The following CREB5 variants were observed in gnomAD, a reference collection of about 807,000 sequenced individuals.
The protein encoded by CREB5 is cAMP responsive element binding protein 5.
CREB5 carries 19 observed loss-of-function variants against 57.1 expected under a neutral mutation model. That is an observed-to-expected ratio of 0.33 (90% CI 0.23 to 0.49). The LOEUF is 0.49. Among genes scored for constraint, CREB5 ranks in the 20% least tolerant of loss-of-function variants. CREB5 has a pLI of 0.99. For missense variants in CREB5, 579 were observed against 671.6 expected (o/e 0.86, Z 1.52); for synonymous variants, 238 against 238.3 (o/e 1.00, Z 0.01).
intron 1 of CREB5, among the ~76,000 whole-genome samples, chr7:28,316,945 T>C (rs1445561928): frequency 6.6e-6 from 1 of 151,620 alleles, no homozygotes; most frequent in Non-Finnish European, 1.5e-5. Context: ...CACTGTTGGG[T>C]CAACAATAAA....
At chr7:28,810,632 G>T (rs1809059197) in intron 9 of CREB5, among the ~76,000 whole-genome samples, 1 of 152,118 alleles carries the variant, frequency 6.6e-6, no homozygotes, top group African/African-American at 2.4e-5. Context: ...GGAGGGAGAG[G>T]CTGTAGTGAG....
intron 9 of CREB5, among the ~76,000 whole-genome samples, chr7:28,817,603 T>C (rs755233151): frequency 6.6e-6 from 1 of 152,204 alleles, no homozygotes; most frequent in Non-Finnish European, 1.5e-5. Context: ...AAGGTTACAA[T>C]AGTTAAATGT....
At chr7:28,779,627 C>T (rs1425924560) in intron 7 of CREB5, among the ~76,000 whole-genome samples, 3 of 152,044 alleles carry the variant, frequency 2.0e-5, no homozygotes, top group Non-Finnish European at 2.9e-5. Flanking sequence ...TAATTGGGGT[C>T]ACTTTAAGTA....
chr7:28,418,382 C>T (rs1182407449), intron 1 of CREB5, among the ~76,000 whole-genome samples: 3 of 152,198 alleles, frequency 2.0e-5, no homozygotes, highest in Non-Finnish European at 4.4e-5. Flanking sequence ...AATTTCCAAA[C>T]TCCTCACGCA....
chr7:28,803,755 CAAA>C lies in CREB5; in HGVS notation c.703-423_703-421del, dbSNP rs562078960. On this transcript the variant is annotated intron_variant, in intron 7 of 10. Transcript: ENST00000357727. ...TGAGTGACAGAGCAAGACTCCATCT[CAAA>C]AAAAAAAAAAAAAAAAAAAATTAAA... Among the ~76,000 whole-genome samples the C allele has an allele frequency of 8.3e-3, 659 of 79,778 alleles. 11 individuals are homozygous for C. In the South Asian group the frequency reaches 0.087, roughly 11 times the overall value. 52.3% of individuals were successfully genotyped at this position (79,778 alleles called of 152,430 possible).
At chr7:28,726,054 T>C (rs905429492) in intron 7 of CREB5, among the ~76,000 whole-genome samples, 2 of 152,202 alleles carry the variant, frequency 1.3e-5, no homozygotes, top group Non-Finnish European at 2.9e-5. Context: ...GGCAAATGAA[T>C]AGTGAATCAT....
chr7:28,679,797 GA>G (rs1356919552), intron 5 of CREB5, among the ~76,000 whole-genome samples: 1 of 152,114 alleles, frequency 6.6e-6, no homozygotes, highest in Non-Finnish European at 1.5e-5. Flanking sequence ...ACAAAACAGC[GA>G]ATGGTCGCAT....
chr7:28,488,287 G>A (rs763892011), intron 2 of CREB5, 41 bp downstream of exon 2: 99 of 1,590,580 alleles, frequency 6.2e-5, no homozygotes, highest in Non-Finnish European at 8.3e-5. Context: ...TGCAGGGCCT[G>A]CTTTCCGAAA....
chr7:28,316,255 A>G (rs1785377271), intron 1 of CREB5, among the ~76,000 whole-genome samples: 2 of 152,140 alleles, frequency 1.3e-5, no homozygotes, highest in African/African-American at 4.8e-5. Flanking sequence ...GATGAACGTA[A>G]ATCTGTCAGT....
At chr7:28,759,169 T>C (rs1314895190) in intron 7 of CREB5, among the ~76,000 whole-genome samples, 3 of 152,178 alleles carry the variant, frequency 2.0e-5, no homozygotes, top group Admixed American at 6.5e-5. Flanking sequence ...TAAAGATTAA[T>C]TGAGCTTTTG....
intron 3 of CREB5, among the ~76,000 whole-genome samples, chr7:28,497,399 G>A (rs1019423674): frequency 1.3e-5 from 2 of 152,152 alleles, no homozygotes; most frequent in Admixed American, 6.5e-5. Flanking sequence ...AGTGCCAGGT[G>A]GAATATTATT....
At chr7:28,619,204 G>C (rs1797703008) in intron 5 of CREB5, among the ~76,000 whole-genome samples, 1 of 152,188 alleles carries the variant, frequency 6.6e-6, no homozygotes, top group Non-Finnish European at 1.5e-5. Flanking sequence ...TTATGAACTT[G>C]CTCAAAGGCC....
chr7:28,607,735 CTGTG>C (rs573980917), intron 5 of CREB5, among the ~76,000 whole-genome samples: 5,262 of 129,070 alleles, frequency 0.041, 149 homozygotes, highest in African/African-American at 0.084. Flanking sequence ...GCCCACAGGG[CTGTG>C]TGTGTGTGTG....
chr7:28,815,981 C>A (rs1412509358), intron 9 of CREB5, among the ~76,000 whole-genome samples: 1 of 151,684 alleles, frequency 6.6e-6, no homozygotes, highest in African/African-American at 2.4e-5. Context: ...CTAGCAGTTT[C>A]GATTTCAGAA....
chr7:28,458,388 G>A (rs958267970), intron 1 of CREB5, among the ~76,000 whole-genome samples: 18 of 152,210 alleles, frequency 1.2e-4, no homozygotes, highest in African/African-American at 4.3e-4. Flanking sequence ...GATTGCAAAT[G>A]TGCATGACAT....
chr7:28,724,545 G>C, intron 7 of CREB5: 1 of 522,592 alleles, frequency 1.9e-6, no homozygotes, highest in Non-Finnish European at 3.4e-6. Context: ...TTGGCAAGTG[G>C]TATTAATGAA....
intron 5 of CREB5, among the ~76,000 whole-genome samples, chr7:28,623,320 G>C (rs1023490099): frequency 9.2e-5 from 14 of 152,198 alleles, no homozygotes; most frequent in Non-Finnish European, 1.8e-4. Context: ...TAATCTTCCT[G>C]TTACCAAAAG....
At chr7:28,687,301 G>A (rs1472982207) in intron 5 of CREB5, among the ~76,000 whole-genome samples, 2 of 151,832 alleles carry the variant, frequency 1.3e-5, no homozygotes, top group Non-Finnish European at 2.9e-5. Flanking sequence ...TAGTGAGGGG[G>A]CGATGATGAA....
intron 5 of CREB5, among the ~76,000 whole-genome samples, chr7:28,631,119 G>A (rs972784812): frequency 6.6e-6 from 1 of 152,110 alleles, no homozygotes; most frequent in Non-Finnish European, 1.5e-5. Flanking sequence ...ATACCGACCC[G>A]CTCTGAGTGT....
Sources: allele counts gnomAD v4.1 joint callset (sites outside exome capture counted in the v4.1 genomes callset), GRCh38; gene constraint gnomAD v4.1.1; transcripts MANE v1.5; gene names NCBI Gene and HGNC (gene_info 2026-07-23, HGNC 2026-07-21).